The following RAB38 variants were observed in gnomAD, a reference collection of about 807,000 sequenced individuals.
The protein encoded by RAB38 is RAB38, member RAS oncogene family.
RAB38 carries 15 observed loss-of-function variants against 18.4 expected under a neutral mutation model. That is an observed-to-expected ratio of 0.82 (90% CI 0.55 to 1.26). The LOEUF (loss-of-function observed/expected upper bound fraction) is 1.26, where lower values mean the gene tolerates loss of function less well. Among genes scored for constraint, RAB38 ranks in the 50% most tolerant of loss-of-function variants. The pLI, the probability that RAB38 is intolerant of heterozygous loss-of-function variation, is 0.00. For synonymous variants in RAB38, 101 were observed against 104.4 expected (o/e 0.97, Z 0.20); for missense variants, 294 against 267.4 (o/e 1.10, Z -0.69).
At chr11:88,007,635 T>G in the RAB38 span, among the ~76,000 whole-genome samples, 1 of 152,148 alleles carries the variant, frequency 6.6e-6, no homozygotes, top group South Asian at 2.1e-4. Flanking sequence ...TCCTATAGAT[T>G]GCTGGTGAAA....
the RAB38 span, among the ~76,000 whole-genome samples, chr11:88,072,315 C>T: frequency 1.3e-5 from 2 of 152,144 alleles, no homozygotes; most frequent in Non-Finnish European, 2.9e-5. Context: ...AGGAAACAAT[C>T]AGCACACCTA....
the RAB38 span, among the ~76,000 whole-genome samples, chr11:87,923,201 T>C: frequency 1.3e-5 from 2 of 151,936 alleles, no homozygotes; most frequent in Non-Finnish European, 2.9e-5. Flanking sequence ...AGTAGTTATA[T>C]TTGCTACTTT....
chr11:88,005,596 T>TA, the RAB38 span, among the ~76,000 whole-genome samples: 1 of 151,142 alleles, frequency 6.6e-6, no homozygotes, highest in Non-Finnish European at 1.5e-5. Context: ...TTTTTTTTTT[T>TA]AATTTCATAT....
the RAB38 span, among the ~76,000 whole-genome samples, chr11:88,018,407 C>T: frequency 6.6e-6 from 1 of 152,136 alleles, no homozygotes; most frequent in Admixed American, 6.6e-5. Flanking sequence ...TGAAATAGCT[C>T]TGATTTTAAA....
the RAB38 span, among the ~76,000 whole-genome samples, chr11:88,052,285 A>T: frequency 1.3e-5 from 2 of 152,190 alleles, no homozygotes; most frequent in Non-Finnish European, 2.9e-5. Flanking sequence ...AATATGTAAC[A>T]GTCTCAGAGA....
At chr11:87,959,949 C>T in the RAB38 span, among the ~76,000 whole-genome samples, 1 of 152,244 alleles carries the variant, frequency 6.6e-6, no homozygotes, top group East Asian at 1.9e-4. Flanking sequence ...ATTCAAATCA[C>T]TGTTTTTTGG....
chr11:88,118,475 C>T (rs1388738850), intron 2 of RAB38, among the ~76,000 whole-genome samples: 1 of 152,158 alleles, frequency 6.6e-6, no homozygotes, highest in Non-Finnish European at 1.5e-5. Flanking sequence ...TAGTTGGCAT[C>T]CAAATAGACA....
chr11:88,087,769 G>A, the RAB38 span, among the ~76,000 whole-genome samples: 12 of 152,016 alleles, frequency 7.9e-5, no homozygotes, highest in East Asian at 7.8e-4. Flanking sequence ...TAATGGGAGC[G>A]TCTTATGTCA....
At chr11:88,153,556 A>G (rs1943089048) in intron 1 of RAB38, among the ~76,000 whole-genome samples, 1 of 152,046 alleles carries the variant, frequency 6.6e-6, no homozygotes, top group African/African-American at 2.4e-5. Flanking sequence ...AGCTCCCTAA[A>G]TGGGGATCTC....
the RAB38 span, among the ~76,000 whole-genome samples, chr11:88,089,068 A>G: frequency 1.3e-5 from 2 of 152,004 alleles, no homozygotes; most frequent in Admixed American, 6.6e-5. Context: ...AGAAGTTTCA[A>G]AAGAAACTAT....
At chr11:87,952,212 T>C in the RAB38 span, among the ~76,000 whole-genome samples, 1 of 152,156 alleles carries the variant, frequency 6.6e-6, no homozygotes, top group Non-Finnish European at 1.5e-5. Context: ...TTTCTTTCCC[T>C]GTGTTACCTT....
At chr11:87,880,498 A>T in the RAB38 span, among the ~76,000 whole-genome samples, 1 of 151,946 alleles carries the variant, frequency 6.6e-6, no homozygotes, top group African/African-American at 2.4e-5. Context: ...AAGAAATCAC[A>T]TTGTGCTATG....
the RAB38 span, among the ~76,000 whole-genome samples, chr11:88,041,892 G>C: frequency 6.6e-6 from 1 of 152,142 alleles, no homozygotes; most frequent in African/African-American, 2.4e-5. Context: ...AAACCTGGCA[G>C]CTCAGCCTCC....
At chr11:88,079,039 G>C in the RAB38 span, among the ~76,000 whole-genome samples, 1 of 151,428 alleles carries the variant, frequency 6.6e-6, no homozygotes, top group Non-Finnish European at 1.5e-5. Context: ...TAGAAAGTAG[G>C]AAAAAAATAG....
chr11:88,035,905 C>T, the RAB38 span, among the ~76,000 whole-genome samples: 3 of 151,674 alleles, frequency 2.0e-5, no homozygotes, highest in South Asian at 6.3e-4. Flanking sequence ...ATCCTGTTTG[C>T]CTTGATTTCT....
chr11:87,885,509 C>T, the RAB38 span, among the ~76,000 whole-genome samples: 2 of 152,154 alleles, frequency 1.3e-5, no homozygotes, highest in Middle Eastern at 3.4e-3. Context: ...AGAGACAAGA[C>T]TGGCAGTGTA....
the RAB38 span, among the ~76,000 whole-genome samples, chr11:87,839,095 T>C: frequency 2.4e-4 from 36 of 152,340 alleles, no homozygotes; most frequent in Admixed American, 1.8e-3. Flanking sequence ...AATTTTATCC[T>C]AGTCAGGAGC....
chr11:87,807,062 C>T, the RAB38 span, among the ~76,000 whole-genome samples: 4 of 152,072 alleles, frequency 2.6e-5, no homozygotes, highest in African/African-American at 7.2e-5. Flanking sequence ...CTCATAGGAG[C>T]GCGAACTCTA....
At chr11:88,083,616 T>G in the RAB38 span, among the ~76,000 whole-genome samples, 150 of 152,044 alleles carry the variant, frequency 9.9e-4, no homozygotes, top group Non-Finnish European at 2.7e-4. Flanking sequence ...AATCTTCATT[T>G]TGGTAGCATT....
Sources: allele counts gnomAD v4.1 joint callset (sites outside exome capture counted in the v4.1 genomes callset), GRCh38; gene constraint gnomAD v4.1.1; transcripts MANE v1.5; gene names NCBI Gene and HGNC (gene_info 2026-07-23, HGNC 2026-07-21).